C19orf44: variants seen among roughly 807,000 people sequenced by gnomAD.
C19orf44 encodes the protein uncharacterized protein C19orf44.
C19orf44 carries 43 observed loss-of-function variants against 50.7 expected under a neutral mutation model. The observed-to-expected ratio is 0.85, with a 90% CI of 0.66 to 1.09. The LOEUF is 1.09. C19orf44 is among the 50% of genes least tolerant of loss of function. The probability of loss-of-function intolerance (pLI) is 0.00; values close to 1 mark genes in which losing one functional copy is unlikely to be tolerated. For synonymous variants in C19orf44, 298 were observed against 334.7 expected (o/e 0.89, Z 1.20); for missense variants, 722 against 836.2 (o/e 0.86, Z 1.68).
At chr19:16,502,953 C>T (rs1188182398) in intron 2 of C19orf44, 112 bp from the exon 3 acceptor site, 1 of 1,014,814 alleles carries the variant, frequency 9.9e-7, no homozygotes, top group Admixed American at 2.8e-5. Context: ...AGCCACTGCC[C>T]TCCAGCCTAG....
intron 1 of C19orf44, among the ~76,000 whole-genome samples, chr19:16,499,109 A>C (rs2093417791): frequency 6.6e-6 from 1 of 152,124 alleles, no homozygotes. Flanking sequence ...CCGGGGTCAC[A>C]CAGACCAGGA....
intron 3 of C19orf44, among the ~76,000 whole-genome samples, chr19:16,504,933 C>T (rs1282176678): frequency 6.6e-6 from 1 of 151,752 alleles, no homozygotes; most frequent in East Asian, 1.9e-4. Context: ...ATTCTCCTGC[C>T]TCAGCCTCCC....
intron 3 of C19orf44, 56 bp from the exon 4 acceptor site, chr19:16,506,645 T>G (rs2093441413): frequency 8.4e-7 from 1 of 1,186,312 alleles, no homozygotes; most frequent in African/African-American, 1.6e-5. Flanking sequence ...TTGTAAAAAT[T>G]TATGGAGTAA....
chr19:16,513,775 C>A (rs903140701), intron 6 of C19orf44, among the ~76,000 whole-genome samples: 2 of 152,178 alleles, frequency 1.3e-5, no homozygotes, highest in African/African-American at 4.8e-5. Context: ...TTGACTGATG[C>A]TGAGTTGCAC....
At position 16,520,420 on chromosome 19, in the gene C19orf44, C is replaced by A; in HGVS notation, c.*367C>A. Reference sequence around the variant, plus strand: ...AGGAGCGCGACCTTGACCTTGAGTACGAGCCTGAAGACTTGGAGGATCTTG... The same window carrying A: ...AGGAGCGCGACCTTGACCTTGAGTAAGAGCCTGAAGACTTGGAGGATCTTG... On this transcript the variant is annotated 3_prime_UTR_variant, in exon 9 of 9. Coordinates refer to ENST00000221671, the MANE Select transcript of C19orf44 (RefSeq NM_032207.4). This position sits in a 1 kb window ranked among gnomAD's most constrained non-coding sequence, Gnocchi z 4.0. 3.1e-6 allele frequency: 5 copies of A among 1,614,072 alleles called. No homozygotes were observed. The highest frequency in any genetic ancestry group is 2.2e-5 in the East Asian group (1 of 44,872).
intron 7 of C19orf44, among the ~76,000 whole-genome samples, chr19:16,516,092 C>T (rs1019832084): frequency 2.0e-5 from 3 of 152,182 alleles, no homozygotes; most frequent in Non-Finnish European, 2.9e-5. Flanking sequence ...GCCACCGCCC[C>T]CTGCTTTAAA....
chr19:16,499,297 T>G (rs2093418333), intron 1 of C19orf44, among the ~76,000 whole-genome samples: 1 of 151,932 alleles, frequency 6.6e-6, no homozygotes, highest in Non-Finnish European at 1.5e-5. Flanking sequence ...TTTTTTTTCT[T>G]TTTTTTTGAG....
Position 16,519,156 on chromosome 19 carries a change from C to T in C19orf44, c.*41-938C>T, listed in dbSNP as rs377742055. The T allele has an allele frequency of 6.5e-5, 104 of 1,611,354 alleles. No individual in the cohort carries two copies. Among genetic ancestry groups the T allele is most frequent in the Non-Finnish European group, 8.1e-5 (95 of 1,179,226 alleles). ...CCACCGGCGCGGCTCCCGGCATGGGCGCCTACTTACACTCGTCCCTGGCCT... is the reference window on the plus strand; with the variant it reads ...CCACCGGCGCGGCTCCCGGCATGGGTGCCTACTTACACTCGTCCCTGGCCT... On this transcript the variant is annotated intron_variant, in intron 8 of 8. Coordinates refer to ENST00000221671, the MANE Select transcript of C19orf44 (RefSeq NM_032207.4). This position sits in a 1 kb window ranked among gnomAD's most constrained non-coding sequence, Gnocchi z 6.0.
chr19:16,507,222 G>A (rs919433696), intron 4 of C19orf44, among the ~76,000 whole-genome samples: 2 of 152,112 alleles, frequency 1.3e-5, no homozygotes, highest in African/African-American at 4.8e-5. Flanking sequence ...TGCAGTAGGT[G>A]AGAGACCCTG....
In C19orf44 at chr19:16,503,133, A is replaced by G. The variant is rs201337843; in HGVS notation, c.828A>G (p.Thr276=). 76 of 1,614,202 alleles carry G rather than the reference A, an allele frequency of 4.7e-5. No homozygotes were observed. The highest frequency in any genetic ancestry group is 5.5e-5 in the Non-Finnish European group (65 of 1,180,046). ...VELSSAKPSQ[T]SHLPTSLAAD... is the part of the protein sequence containing the mutation. ...TCTCCAGCGCAAAGCCTTCTCAGAC[A>G]TCACACCTGCCAACCTCCCTGGCAG... is the stretch of plus-strand genomic sequence containing the variant. The change falls in exon 3 of 9, where the codon ACA becomes ACG. Residue 276 remains threonine, a synonymous_variant. Coordinates refer to ENST00000221671, the MANE Select transcript of C19orf44 (RefSeq NM_032207.4).
In C19orf44 at chr19:16,501,545, A is replaced by G. The variant is rs2093425547; in HGVS notation, c.753A>G (p.Leu251=). The change falls in exon 2 of 9, where the codon CTA becomes CTG. Residue 251 remains leucine (L), a synonymous_variant. Transcript: ENST00000221671. ...TCAGCGAGGAAGAAGAAAGAAAACT[A>G]TTTTCGGTGAGATTTTTTTTTTTTG... ...ANVSEEEERK[L]FSVPSQLRAF... 3 of 1,377,754 alleles carry G rather than the reference A, an allele frequency of 2.2e-6. No homozygotes were observed. The highest frequency in any genetic ancestry group is 2.8e-5 in the Admixed American group (1 of 35,514). 85.3% of individuals were successfully genotyped at this position (1,377,754 alleles called of 1,614,324 possible). A position where few individuals can be genotyped will look rare whatever the true frequency, so the allele number is the denominator to read the frequency against.
At chr19:16,506,594 A>C in intron 3 of C19orf44, 107 bp from the exon 4 acceptor site, 1 of 746,574 alleles carries the variant, frequency 1.3e-6, no homozygotes, top group South Asian at 2.3e-5. Flanking sequence ...CTCTATCTCA[A>C]AAAAAAAAAG....
At position 16,514,717 on chromosome 19, in the gene C19orf44, C is replaced by T. The variant is rs1297373827; in HGVS notation, c.1902+54C>T. The stretch of plus-strand genomic sequence containing the variant: ...AGGGCAGTAGGGGAGCGGCAGCTCC[C>T]AGAGGCCGGGCCGAAGGGATATGGG... On this transcript the variant is annotated intron_variant, in intron 7 of 8. Transcript: ENST00000221671. 5.5e-6 allele frequency: 8 copies of T among 1,458,682 alleles called. No individual in the cohort carries two copies. The African/African-American group carries it at 1.0e-4, about 18-fold the overall frequency. 90.4% of individuals were successfully genotyped at this position (1,458,682 alleles called of 1,614,324 possible).
intron 7 of C19orf44, among the ~76,000 whole-genome samples, chr19:16,516,837 C>T (rs2093473831): frequency 6.6e-6 from 1 of 152,358 alleles, no homozygotes; most frequent in African/African-American, 2.4e-5. Context: ...CATTGCAGCC[C>T]TCTGGGGGCT....
At position 16,520,553 on chromosome 19, in the gene C19orf44, C is replaced by T. The variant is rs763120531; in HGVS notation, c.*500C>T. 4.4e-6 allele frequency: 7 copies of T among 1,574,894 alleles called. No individual in the cohort carries two copies. Among genetic ancestry groups the T allele is most frequent in the Non-Finnish European group, 5.2e-6 (6 of 1,159,176 alleles). Reference sequence around the variant, plus strand: ...ATCAGGTGCCCCAGTGGATGGGCTGCACCCAGCCCACCCTGGCCCTCAGGT... The same window carrying T: ...ATCAGGTGCCCCAGTGGATGGGCTGTACCCAGCCCACCCTGGCCCTCAGGT... On this transcript the variant is annotated 3_prime_UTR_variant, in exon 9 of 9. Transcript: ENST00000221671. This position sits in a 1 kb window ranked among gnomAD's most constrained non-coding sequence, Gnocchi z 4.0.
chr19:16,511,414 A>G (rs1327738826), intron 5 of C19orf44, among the ~76,000 whole-genome samples: 3 of 151,958 alleles, frequency 2.0e-5, no homozygotes, highest in Non-Finnish European at 4.4e-5. Context: ...TCCTGGGCTC[A>G]AGTGATCCTT....
In C19orf44 at chr19:16,519,057, G is replaced by T; in HGVS notation, c.*41-1037G>T. 9.5e-7 allele frequency: 1 copy of T among 1,049,564 alleles called. No homozygotes were observed. Among genetic ancestry groups the T allele is most frequent in the Non-Finnish European group, 1.4e-6 (1 of 716,114 alleles). The allele number at this position is 1,049,564 out of a possible 1,614,324, so 65.0% of individuals were successfully genotyped here. On this transcript the variant is annotated intron_variant, in intron 8 of 8. Coordinates refer to ENST00000221671, the MANE Select transcript of C19orf44 (RefSeq NM_032207.4). This position sits in a 1 kb window ranked among gnomAD's most constrained non-coding sequence, Gnocchi z 6.0. ...CTGTGGCTCTCCACAAGTGGAGACGGTGTAAGAACTGAGCTGTCACTGCAA... is the reference window on the plus strand; with the variant it reads ...CTGTGGCTCTCCACAAGTGGAGACGTTGTAAGAACTGAGCTGTCACTGCAA...
intron 7 of C19orf44, among the ~76,000 whole-genome samples, chr19:16,515,622 T>C (rs2093469361): frequency 6.6e-6 from 1 of 152,056 alleles, no homozygotes; most frequent in African/African-American, 2.4e-5. Flanking sequence ...CTTCGCTTCC[T>C]GGGATCAAGC....
chr19:16,506,665 T>TA, intron 3 of C19orf44, 36 bp from the exon 4 acceptor site: 1 of 1,349,996 alleles, frequency 7.4e-7, no homozygotes, highest in Non-Finnish European at 1.0e-6. Flanking sequence ...AATAAGAGAG[T>TA]AAATGTAAAC....
Sources: allele counts gnomAD v4.1 joint callset (sites outside exome capture counted in the v4.1 genomes callset), GRCh38; gene constraint gnomAD v4.1.1; non-coding constraint Gnocchi (gnomAD v3.1); transcripts MANE v1.5; gene names NCBI Gene and HGNC (gene_info 2026-07-23, HGNC 2026-07-21).